Variants in F13A1 observed in about 807,000 individuals in gnomAD.
The protein encoded by F13A1 is FSF, A subunit.
In F13A1, 47 loss-of-function variants were observed where a neutral mutation model predicts 80.1. The observed-to-expected ratio is 0.59, with a 90% CI of 0.46 to 0.75. The LOEUF (loss-of-function observed/expected upper bound fraction) is 0.75, where lower values mean the gene tolerates loss of function less well. Ranked by LOEUF, F13A1 falls within the 30% of genes least tolerant of loss-of-function variation. The pLI, the probability that F13A1 is intolerant of heterozygous loss-of-function variation, is 0.00. For synonymous variants in F13A1, 349 were observed against 344.9 expected (o/e 1.01, Z -0.13); for missense variants, 817 against 930.4 (o/e 0.88, Z 1.59).
intron 3 of F13A1, among the ~76,000 whole-genome samples, chr6:6,294,734 T>A (rs11243071): frequency 0.1 from 15,183 of 151,564 alleles, 940 homozygotes; most frequent in East Asian, 0.23. Context: ...AGTCTTTTTT[T>A]AAAAATTTAT....
intron 3 of F13A1, among the ~76,000 whole-genome samples, chr6:6,304,307 A>T (rs936594922): frequency 6.6e-6 from 1 of 151,956 alleles, no homozygotes; most frequent in Admixed American, 6.6e-5. Context: ...TGCTGATTTG[A>T]TTGCCTAATT....
chr6:6,305,537 A>G lies in F13A1; in HGVS notation c.133T>C (p.Phe45Leu), dbSNP rs1172080141. The G allele has an allele frequency of 6.2e-6, 10 of 1,613,870 alleles. No individual in the cohort carries two copies. The highest frequency in any genetic ancestry group is 8.5e-6 in the Non-Finnish European group (10 of 1,179,958). Reference protein sequence around the residue: ...VVPRGVNLQEFLNVTSVHLFK... With the variant: ...VVPRGVNLQELLNVTSVHLFK... ...AGGTGAACGCTCGTGACATTAAGAA[A>G]CTCTATGAACAAGAAAAACAAGGGT... is the stretch of plus-strand genomic sequence containing the variant. The change falls in exon 3 of 15, where the codon TTT (phenylalanine) becomes CTT (leucine). Residue 45 changes from phenylalanine to leucine, a missense_variant and splice_region_variant. Coordinates refer to ENST00000264870, the MANE Select transcript of F13A1 (RefSeq NM_000129.4).
intron 8 of F13A1, among the ~76,000 whole-genome samples, chr6:6,212,983 A>G (rs1761647144): frequency 6.6e-6 from 1 of 152,184 alleles, no homozygotes; most frequent in African/African-American, 2.4e-5. Context: ...TAGAGAAAAA[A>G]GAATAAAAAG....
Position 6,250,727 on chromosome 6 carries a change from A to G in F13A1, c.690+84T>C. ...AGGAAATTGTGCTTGTCTAATATCG[A>G]TATATGGGATCCTGTAGGGATACAT... On this transcript the variant is annotated intron_variant, in intron 5 of 14. Coordinates refer to ENST00000264870, the MANE Select transcript of F13A1 (RefSeq NM_000129.4). This position sits in a 1 kb window ranked among gnomAD's most constrained non-coding sequence, Gnocchi z 4.2. 2.2e-6 allele frequency: 2 copies of G among 897,436 alleles called. No homozygotes were observed. The highest frequency in any genetic ancestry group is 2.6e-5 in the South Asian group (2 of 76,422). 55.6% of individuals were successfully genotyped at this position (897,436 alleles called of 1,614,324 possible).
chr6:6,223,277 T>C (rs931573870), intron 7 of F13A1, among the ~76,000 whole-genome samples: 1 of 152,220 alleles, frequency 6.6e-6, no homozygotes, highest in Admixed American at 6.5e-5. Context: ...GGATAACCTT[T>C]TTATGCCAAA....
At chr6:6,317,336 T>G (rs1475149073) in intron 2 of F13A1, among the ~76,000 whole-genome samples, 1 of 152,090 alleles carries the variant, frequency 6.6e-6, no homozygotes, top group African/African-American at 2.4e-5. Context: ...GCTGTCAAGG[T>G]GGGGTTTTAG....
chr6:6,282,235 G>T (rs1037075580), intron 3 of F13A1, among the ~76,000 whole-genome samples: 1 of 152,088 alleles, frequency 6.6e-6, no homozygotes, highest in Non-Finnish European at 1.5e-5. Flanking sequence ...TAGATAAATG[G>T]TTATTTTGAG....
Position 6,303,359 on chromosome 6 carries a change from C to T in F13A1, c.319+1992G>A, listed in dbSNP as rs1027430550. Among the ~76,000 whole-genome samples, 4 of 152,110 alleles carry T rather than the reference C, an allele frequency of 2.6e-5. No individual in the cohort carries two copies. In the South Asian group the frequency reaches 6.2e-4, roughly 24 times the overall value. The stretch of plus-strand genomic sequence containing the variant: ...TCCACTGGGATTCTAATTGGAAATG[C>T]ATTAAATTTACATATTAATTTTGGG... On this transcript the variant is annotated intron_variant, in intron 3 of 14. Coordinates refer to ENST00000264870, the MANE Select transcript of F13A1 (RefSeq NM_000129.4).
intron 3 of F13A1, among the ~76,000 whole-genome samples, chr6:6,280,848 T>C (rs146751833): frequency 4.6e-5 from 7 of 152,346 alleles, no homozygotes; most frequent in African/African-American, 1.4e-4. Context: ...AATATTGCCT[T>C]CCGTAAATAA....
At chr6:6,156,570 C>A (rs1455003370) in intron 13 of F13A1, among the ~76,000 whole-genome samples, 1 of 152,106 alleles carries the variant, frequency 6.6e-6, no homozygotes, top group East Asian at 1.9e-4. Context: ...TTTTTCCCTC[C>A]CCCTTGGCCT....
intron 10 of F13A1, among the ~76,000 whole-genome samples, chr6:6,186,776 T>C (rs1437253053): frequency 6.6e-6 from 1 of 151,922 alleles, no homozygotes; most frequent in African/African-American, 2.4e-5. Context: ...CACTGGTAGC[T>C]TGATGGGGAT....
chr6:6,184,749 C>G (rs576026678), intron 10 of F13A1, among the ~76,000 whole-genome samples: 9 of 152,150 alleles, frequency 5.9e-5, no homozygotes, highest in African/African-American at 2.2e-4. Context: ...CCTGCCCCCC[C>G]ACCTTGAATA....
At chr6:6,238,101 A>T (rs901696785) in intron 6 of F13A1, among the ~76,000 whole-genome samples, 4 of 152,250 alleles carry the variant, frequency 2.6e-5, no homozygotes, top group Non-Finnish European at 5.9e-5. Context: ...TGGTATTGTC[A>T]TAAGGACATA....
At position 6,250,108 on chromosome 6, in the gene F13A1, C is replaced by G. The variant is rs2113101240; in HGVS notation, c.690+703G>C. 6.6e-6 allele frequency among the ~76,000 whole-genome samples: 1 copy of G among 152,190 alleles called. No homozygotes were observed. Among genetic ancestry groups the G allele is most frequent in the African/African-American group, 2.4e-5 (1 of 41,530 alleles). ...GATGCACAGTTCCAGCCATCCCAGCCAAAACTCCTGAGAAATGACATTCGC... is the reference window on the plus strand; with the variant it reads ...GATGCACAGTTCCAGCCATCCCAGCGAAAACTCCTGAGAAATGACATTCGC... On this transcript the variant is annotated intron_variant, in intron 5 of 14. Transcript: ENST00000264870. The surrounding 1 kb of genome is among the most constrained non-coding windows in gnomAD (Gnocchi z 4.2).
intron 8 of F13A1, among the ~76,000 whole-genome samples, chr6:6,209,955 G>A (rs186330042): frequency 2.2e-4 from 33 of 152,222 alleles, no homozygotes; most frequent in African/African-American, 3.1e-4. Flanking sequence ...GCCTAGTGCC[G>A]TGGCTCATGC....
chr6:6,157,848 T>C (rs2151070053), intron 13 of F13A1, among the ~76,000 whole-genome samples: 1 of 152,318 alleles, frequency 6.6e-6, no homozygotes, highest in South Asian at 2.1e-4. Context: ...AAACATGAAA[T>C]GCACAGAGCA....
At chr6:6,147,349 T>A (rs1033580731) in intron 14 of F13A1, among the ~76,000 whole-genome samples, 2 of 152,174 alleles carry the variant, frequency 1.3e-5, no homozygotes, top group African/African-American at 4.8e-5. Context: ...TTGTGCTTAC[T>A]TTTTCATAGG....
At chr6:6,153,847 A>G (rs1760427530) in intron 13 of F13A1, among the ~76,000 whole-genome samples, 1 of 152,222 alleles carries the variant, frequency 6.6e-6, no homozygotes, top group Non-Finnish European at 1.5e-5. Flanking sequence ...CTATATTTGT[A>G]TCAGCTCGAT....
intron 6 of F13A1, among the ~76,000 whole-genome samples, chr6:6,225,137 G>A (rs1050022246): frequency 2.0e-5 from 3 of 152,176 alleles, no homozygotes; most frequent in African/African-American, 7.2e-5. Context: ...GACACCTACC[G>A]GATTGGAAGA....
Sources: gnomAD v4.1 joint callset for allele counts (sites outside exome capture counted in the v4.1 genomes callset) on GRCh38, gnomAD v4.1.1 for gene constraint, Gnocchi (gnomAD v3.1) non-coding constraint, MANE v1.5 for transcripts, NCBI Gene and HGNC (gene_info 2026-07-23, HGNC 2026-07-21) for gene names.